The following RSPO3 variants were observed in gnomAD, a reference collection of about 807,000 sequenced individuals.
RSPO3 encodes the protein R-spondin-3.
Under a neutral mutation model 36.5 loss-of-function variants are expected in RSPO3, and 17 were observed. The observed-to-expected ratio is 0.47, with a 90% CI of 0.32 to 0.70. The LOEUF (loss-of-function observed/expected upper bound fraction) is 0.70. RSPO3 is among the 30% of genes least tolerant of loss of function. The pLI is 0.04. For missense variants in RSPO3, 294 were observed against 322.5 expected (o/e 0.91, Z 0.68); for synonymous variants, 108 against 107.0 (o/e 1.01, Z -0.06).
intron 4 of RSPO3, among the ~76,000 whole-genome samples, chr6:127,169,557 A>C (rs753114022): frequency 3.9e-5 from 6 of 151,944 alleles, no homozygotes; most frequent in Non-Finnish European, 8.8e-5. Context: ...AAACATCAGA[A>C]TAAGTCAAAA....
intron 4 of RSPO3, among the ~76,000 whole-genome samples, chr6:127,183,019 T>C (rs1409914059): frequency 6.6e-6 from 1 of 152,012 alleles, no homozygotes; most frequent in African/African-American, 2.4e-5. Flanking sequence ...CCTCTATTTC[T>C]CTTGTTATTT....
chr6:127,187,079 G>C (rs763507840), intron 4 of RSPO3, among the ~76,000 whole-genome samples: 1 of 152,168 alleles, frequency 6.6e-6, no homozygotes, highest in Non-Finnish European at 1.5e-5. Flanking sequence ...ATGGAAGATG[G>C]TGGTTGAAGC....
chr6:127,175,715 A>C (rs982900857), intron 4 of RSPO3, among the ~76,000 whole-genome samples: 6 of 151,752 alleles, frequency 4.0e-5, no homozygotes. Flanking sequence ...TGATGGCCTT[A>C]AACTGATTTT....
intron 4 of RSPO3, among the ~76,000 whole-genome samples, chr6:127,191,232 C>A (rs2114272396): frequency 6.6e-6 from 1 of 152,178 alleles, no homozygotes; most frequent in Middle Eastern, 3.4e-3. Flanking sequence ...ATGAAAGAAA[C>A]AAAGGAGCAA....
At chr6:127,140,377 C>A (rs150075434) in intron 1 of RSPO3, among the ~76,000 whole-genome samples, 2,108 of 152,166 alleles carry the variant, frequency 0.014, 22 homozygotes, top group South Asian at 0.037. Flanking sequence ...AAATTAAAAT[C>A]CCAAAGCAAA....
In RSPO3 at chr6:127,157,943, C is replaced by T. The variant is rs1774627014; in HGVS notation, c.634+2505C>T. On this transcript the variant is annotated intron_variant, in intron 4 of 4. Coordinates refer to ENST00000356698, the MANE Select transcript of RSPO3 (RefSeq NM_032784.5). ...TAATAGTGACCTCTGGACATCCCAC[C>T]GTATCCTCTCTATCAAGCATCATAT... Among the ~76,000 whole-genome samples the T allele has an allele frequency of 4.0e-5, 6 of 151,534 alleles. No homozygotes were observed. In the South Asian group the frequency reaches 1.2e-3, roughly 31 times the overall value.
chr6:127,152,348 A>T (rs1774506668), intron 3 of RSPO3, among the ~76,000 whole-genome samples: 2 of 152,130 alleles, frequency 1.3e-5, no homozygotes, highest in Admixed American at 1.3e-4. Context: ...GTCTCCCATC[A>T]TATGGCGCCT....
intron 2 of RSPO3, among the ~76,000 whole-genome samples, chr6:127,150,147 T>C (rs1190400497): frequency 6.8e-6 from 1 of 147,100 alleles, no homozygotes; most frequent in Admixed American, 6.9e-5. Flanking sequence ...AGATACTTCA[T>C]CTTATAAATA....
chr6:127,176,726 T>C (rs922384948), intron 4 of RSPO3, among the ~76,000 whole-genome samples: 7 of 151,764 alleles, frequency 4.6e-5, no homozygotes, highest in Non-Finnish European at 7.4e-5. Context: ...GGAAGACATA[T>C]TCTACTCCAG....
intron 4 of RSPO3, among the ~76,000 whole-genome samples, chr6:127,162,965 G>A (rs2114604846): frequency 6.6e-6 from 1 of 152,190 alleles, no homozygotes; most frequent in East Asian, 1.9e-4. Context: ...CGGCTAAGTA[G>A]GGTTAAAGGT....
At chr6:127,163,483 G>A (rs17812492) in intron 4 of RSPO3, among the ~76,000 whole-genome samples, 3,224 of 152,216 alleles carry the variant, frequency 0.021, 55 homozygotes, top group Admixed American at 0.038. Flanking sequence ...AGAGGTGTGA[G>A]TAAGTAGGCT....
At chr6:127,164,276 G>A (rs1774769908) in intron 4 of RSPO3, among the ~76,000 whole-genome samples, 1 of 151,968 alleles carries the variant, frequency 6.6e-6, no homozygotes, top group South Asian at 2.1e-4. Context: ...GCTCTGTTTA[G>A]AAAACAAGGG....
chr6:127,125,521 C>T (rs7760322), intron 1 of RSPO3, among the ~76,000 whole-genome samples: 92 of 152,258 alleles, frequency 6.0e-4, no homozygotes, highest in African/African-American at 2.0e-3. Context: ...GTGATCCCTA[C>T]GGTTTCCTCA....
chr6:127,150,362 T>C (rs963513957), intron 2 of RSPO3, 64 bp from the exon 3 acceptor site: 2 of 1,490,512 alleles, frequency 1.3e-6, no homozygotes, highest in Non-Finnish European at 1.8e-6. Context: ...CTGACACATG[T>C]AGAACTGGAC....
chr6:127,193,930 T>G (rs1373996959), intron 4 of RSPO3, among the ~76,000 whole-genome samples: 1 of 152,216 alleles, frequency 6.6e-6, no homozygotes, highest in Non-Finnish European at 1.5e-5. Flanking sequence ...TGTTGTTTGT[T>G]CCTCTCTGTA....
chr6:127,119,366 G>T, intron 1 of RSPO3, 77 bp downstream of exon 1: 1 of 1,044,318 alleles, frequency 9.6e-7, no homozygotes, highest in East Asian at 2.4e-5. Context: ...GTCCGGAGCC[G>T]GCTCCCAACT....
intron 4 of RSPO3, chr6:127,192,668 G>T (rs1035510439): frequency 3.0e-6 from 3 of 985,150 alleles, no homozygotes; most frequent in Non-Finnish European, 3.6e-6. Flanking sequence ...GGAGATGAAC[G>T]CTGTTTTAAT....
intron 4 of RSPO3, among the ~76,000 whole-genome samples, chr6:127,171,335 T>A (rs981258139): frequency 4.6e-5 from 7 of 151,752 alleles, no homozygotes; most frequent in Non-Finnish European, 1.0e-4. Flanking sequence ...ATATCAGATG[T>A]CTTGGAGTCC....
At chr6:127,160,847 C>A (rs1349822053) in intron 4 of RSPO3, among the ~76,000 whole-genome samples, 1 of 152,160 alleles carries the variant, frequency 6.6e-6, no homozygotes, top group Non-Finnish European at 1.5e-5. Context: ...CAAGCCCTAC[C>A]TCCTACCTCA....
Sources: allele counts gnomAD v4.1 joint callset (sites outside exome capture counted in the v4.1 genomes callset), GRCh38; gene constraint gnomAD v4.1.1; transcripts MANE v1.5; gene names NCBI Gene and HGNC (gene_info 2026-07-23, HGNC 2026-07-21).